The following PTPRG variants were observed in gnomAD, a reference collection of about 807,000 sequenced individuals.
The protein encoded by PTPRG is receptor-type tyrosine-protein phosphatase gamma.
PTPRG carries 102 observed loss-of-function variants against 165.3 expected under a neutral mutation model. The observed-to-expected ratio is 0.62, with a 90% CI of 0.53 to 0.73. The LOEUF is 0.73. Ranked by LOEUF, PTPRG falls within the 30% of genes least tolerant of loss-of-function variation. PTPRG has a pLI of 0.00. For missense variants in PTPRG, 1,866 were observed against 1,861.4 expected (o/e 1.00, Z -0.05); for synonymous variants, 675 against 669.5 (o/e 1.01, Z -0.13).
chr3:61,569,850 A>G (rs1575508141), intron 1 of PTPRG, among the ~76,000 whole-genome samples: 1 of 152,202 alleles, frequency 6.6e-6, no homozygotes, highest in African/African-American at 2.4e-5. Context: ...AATAAATGAG[A>G]AAGTCCTCAT....
At chr3:61,897,979 G>A (rs959818531) in intron 2 of PTPRG, among the ~76,000 whole-genome samples, 1 of 151,970 alleles carries the variant, frequency 6.6e-6, no homozygotes, top group Admixed American at 6.6e-5. Context: ...ATATAGACAA[G>A]CCTGTCATCT....
At chr3:62,284,898 C>T (rs551531991) in intron 28 of PTPRG, among the ~76,000 whole-genome samples, 1 of 152,162 alleles carries the variant, frequency 6.6e-6, no homozygotes, top group African/African-American at 2.4e-5. Flanking sequence ...CAATCTGCCA[C>T]TGAAGTACTT....
intron 6 of PTPRG, among the ~76,000 whole-genome samples, chr3:62,144,242 A>C (rs1234031182): frequency 6.6e-6 from 1 of 152,194 alleles, no homozygotes. Flanking sequence ...TAGTAGCTCT[A>C]CTAATAGTGT....
intron 2 of PTPRG, among the ~76,000 whole-genome samples, chr3:61,865,012 C>T (rs2107417599): frequency 6.6e-6 from 1 of 152,234 alleles, no homozygotes; most frequent in South Asian, 2.1e-4. Flanking sequence ...GCTCAGAGAC[C>T]ATTTTATGTT....
At chr3:62,050,803 T>C (rs1235430696) in intron 4 of PTPRG, among the ~76,000 whole-genome samples, 1 of 152,182 alleles carries the variant, frequency 6.6e-6, no homozygotes, top group East Asian at 1.9e-4. Flanking sequence ...ATGACCTTCA[T>C]TCCCAAGCAA....
chr3:61,677,255 A>G (rs1030973416), intron 1 of PTPRG, among the ~76,000 whole-genome samples: 5 of 151,826 alleles, frequency 3.3e-5, no homozygotes, highest in African/African-American at 1.2e-4. Context: ...AAAAAAAAAA[A>G]AAAAAAAAAG....
intron 2 of PTPRG, among the ~76,000 whole-genome samples, chr3:61,947,577 C>A (rs2039791301): frequency 6.6e-6 from 1 of 152,110 alleles, no homozygotes; most frequent in South Asian, 2.1e-4. Flanking sequence ...CCAGGACAAG[C>A]AGGGTGGAAG....
chr3:61,569,507 G>A lies in PTPRG; in HGVS notation c.85+7135G>A, dbSNP rs72888654. ...TTATATGTTTATTTTTATAGAGACC[G>A]GGTCTCTCCCTGTGTTGCCCAGGCT... On this transcript the variant is annotated intron_variant, in intron 1 of 29. Transcript: ENST00000474889. Among the ~76,000 whole-genome samples the A allele has an allele frequency of 5.3e-3, 812 of 152,052 alleles. 4 individuals are homozygous for A. Among genetic ancestry groups the A allele is most frequent in the African/African-American group, 0.019 (786 of 41,476 alleles).
At chr3:61,934,597 C>A (rs111711276) in intron 2 of PTPRG, among the ~76,000 whole-genome samples, 2,637 of 151,960 alleles carry the variant, frequency 0.017, 45 homozygotes, top group South Asian at 0.075. Flanking sequence ...CAGGTGGGGA[C>A]CCCAGTTCCT....
At chr3:61,866,820 A>C (rs1351874521) in intron 2 of PTPRG, among the ~76,000 whole-genome samples, 1 of 151,960 alleles carries the variant, frequency 6.6e-6, no homozygotes, top group Non-Finnish European at 1.5e-5. Context: ...GATGGTCTCG[A>C]TCTCTTGAAC....
intron 2 of PTPRG, among the ~76,000 whole-genome samples, chr3:61,955,180 C>G (rs1391196083): frequency 1.3e-5 from 2 of 152,212 alleles, no homozygotes; most frequent in Non-Finnish European, 2.9e-5. Flanking sequence ...GAACTTTATT[C>G]TGTTCTGCTT....
intron 23 of PTPRG, among the ~76,000 whole-genome samples, chr3:62,274,466 G>T (rs1281379101): frequency 6.6e-6 from 1 of 152,098 alleles, no homozygotes; most frequent in African/African-American, 2.4e-5. Flanking sequence ...AATCAAAATT[G>T]CTTCTAACTT....
At chr3:61,798,546 T>C (rs755105513) in intron 2 of PTPRG, among the ~76,000 whole-genome samples, 2 of 151,812 alleles carry the variant, frequency 1.3e-5, no homozygotes, top group Non-Finnish European at 2.9e-5. Context: ...TTTTTCACAG[T>C]CACTTTGCAT....
intron 2 of PTPRG, among the ~76,000 whole-genome samples, chr3:61,829,633 C>T (rs2036215558): frequency 6.6e-6 from 1 of 152,240 alleles, no homozygotes. Context: ...GACAGGTTGT[C>T]AGGGAGAGTG....
chr3:62,040,424 T>C (rs1041608051), intron 4 of PTPRG, among the ~76,000 whole-genome samples: 7 of 152,184 alleles, frequency 4.6e-5, no homozygotes, highest in African/African-American at 4.8e-5. Flanking sequence ...ATTTCGACTG[T>C]CTTCAAAGAG....
At chr3:61,718,929 C>T (rs184098210) in intron 1 of PTPRG, among the ~76,000 whole-genome samples, 2 of 148,662 alleles carry the variant, frequency 1.3e-5, no homozygotes, top group Admixed American at 1.3e-4. Flanking sequence ...AGGGGATAAA[C>T]AATCGACATT....
intron 1 of PTPRG, among the ~76,000 whole-genome samples, chr3:61,665,503 C>CACACACACACACACAG (rs1277333524): frequency 2.0e-5 from 3 of 151,298 alleles, no homozygotes; most frequent in African/African-American, 7.3e-5. Context: ...CACACACACA[C>CACACACACACACACAG]AGGCACAAAT....
At chr3:62,085,780 A>G (rs1228370674) in intron 5 of PTPRG, among the ~76,000 whole-genome samples, 1 of 152,012 alleles carries the variant, frequency 6.6e-6, no homozygotes, top group Non-Finnish European at 1.5e-5. Flanking sequence ...TCTTGCATTC[A>G]TTTGCTAACT....
At chr3:61,725,710 C>CTTTT (rs10581346) in intron 1 of PTPRG, among the ~76,000 whole-genome samples, 1 of 137,284 alleles carries the variant, frequency 7.3e-6, no homozygotes, top group African/African-American at 2.7e-5. Context: ...CTACCCCCAC[C>CTTTT]TTTTTTTTTT....
Sources: allele counts gnomAD v4.1 joint callset (sites outside exome capture counted in the v4.1 genomes callset), GRCh38; gene constraint gnomAD v4.1.1; transcripts MANE v1.5; gene names NCBI Gene and HGNC (gene_info 2026-07-23, HGNC 2026-07-21).